USP46: variants seen among roughly 807,000 people sequenced by gnomAD.
The protein encoded by USP46 is ubiquitin carboxyl-terminal hydrolase 46.
In USP46, 12 loss-of-function variants were observed where a neutral mutation model predicts 44.4. That is an observed-to-expected ratio of 0.27 (90% CI 0.17 to 0.44). USP46 has a LOEUF of 0.44. Among genes scored for constraint, USP46 ranks in the 20% least tolerant of loss-of-function variants. The pLI, the probability that USP46 is intolerant of heterozygous loss-of-function variation, is 1.00. For missense variants in USP46, 248 were observed against 444.8 expected (o/e 0.56, Z 3.98); for synonymous variants, 155 against 161.5 (o/e 0.96, Z 0.31).
chr4:52,632,994 G>GAAAAGAAAAGAAAAGA (rs1228732494), intron 1 of USP46, among the ~76,000 whole-genome samples: 7 of 91,306 alleles, frequency 7.7e-5, no homozygotes, highest in Admixed American at 1.0e-4. Context: ...GAAAAGAAAA[G>GAAAAGAAAAGAAAAGA]AAAGAAAGAA....
chr4:52,622,238 TA>T (rs1173216441), intron 4 of USP46, among the ~76,000 whole-genome samples: 2 of 152,250 alleles, frequency 1.3e-5, no homozygotes, highest in African/African-American at 4.8e-5. Flanking sequence ...TCCATTTTTT[TA>T]TAGGTGTTGG....
chr4:52,629,988 T>G (rs1717754147), intron 2 of USP46, among the ~76,000 whole-genome samples: 1 of 152,216 alleles, frequency 6.6e-6, no homozygotes, highest in South Asian at 2.1e-4. Flanking sequence ...TTTCCAACTT[T>G]CCCAGTGGAA....
At chr4:52,650,881 G>C (rs977785128) in intron 1 of USP46, 2 of 151,978 alleles carry the variant, frequency 1.3e-5, no homozygotes, top group African/African-American at 4.8e-5. Context: ...GGCGGATCAC[G>C]AGGTCAAGAG....
At position 52,597,747 on chromosome 4, in the gene USP46, A is replaced by G; in HGVS notation, c.1000-6T>C. On this transcript the variant is annotated splice_region_variant and splice_polypyrimidine_tract_variant and intron_variant, in intron 8 of 8. Transcript: ENST00000441222. ...ATAGCTTGAGCATCTATTTTCTGCA[A>G]TAAAGGAGAAAGAAAACAACACAAT... 2.5e-6 allele frequency: 4 copies of G among 1,572,420 alleles called. No homozygotes were observed. Among genetic ancestry groups the G allele is most frequent in the Non-Finnish European group, 3.5e-6 (4 of 1,158,996 alleles).
Position 52,592,655 on chromosome 4 carries a change from AT to A in USP46, c.*4984del. ...GGAGTTCCAGACCAGCTTGGCCAAT[AT>A]GAGAAAACTTTGTATCTACTGAAAA... is the stretch of plus-strand genomic sequence containing the variant. On this transcript the variant is annotated 3_prime_UTR_variant, in exon 9 of 9. Coordinates refer to ENST00000441222, the MANE Select transcript of USP46 (RefSeq NM_022832.4). The A allele has an allele frequency of 2.8e-6, 1 of 361,828 alleles. No individual in the cohort carries two copies. The highest frequency in any genetic ancestry group is 4.9e-6 in the Non-Finnish European group (1 of 203,694). The allele number at this position is 361,828 out of a possible 1,614,324, so 22.4% of individuals were successfully genotyped here. A position where few individuals can be genotyped will look rare whatever the true frequency, so the allele number is the denominator to read the frequency against.
chr4:52,645,180 G>A (rs184349105), intron 1 of USP46, among the ~76,000 whole-genome samples: 27 of 149,480 alleles, frequency 1.8e-4, no homozygotes, highest in African/African-American at 6.4e-4. Context: ...AGCCGAGATC[G>A]CGCCACTGCA....
In USP46 at chr4:52,622,258, A is replaced by G. The variant is rs1194156482; in HGVS notation, c.561+3760T>C. 2.0e-5 allele frequency among the ~76,000 whole-genome samples: 3 copies of G among 152,184 alleles called. No homozygotes were observed. The East Asian group carries it at 5.8e-4, about 29-fold the overall frequency. ...TTTTTTATAGGTGTTGGGCATATGG[A>G]TTTTTTAAACTATTCTTTAAAATGT... On this transcript the variant is annotated intron_variant, in intron 4 of 8. Transcript: ENST00000441222.
At chr4:52,658,330 C>G (rs769963251) in intron 1 of USP46, 1 of 455,490 alleles carries the variant, frequency 2.2e-6, no homozygotes, top group South Asian at 1.6e-5. Context: ...AAAGTGACCA[C>G]CGCATCATGG....
chr4:52,602,097 AT>A (rs764234419), intron 6 of USP46, 43 bp from the exon 7 acceptor site: 18 of 1,577,476 alleles, frequency 1.1e-5, no homozygotes, highest in Non-Finnish European at 1.5e-5. Flanking sequence ...CCCAACACCT[AT>A]TAGGGGAAGA....
At chr4:52,649,916 G>A (rs983616112) in intron 1 of USP46, among the ~76,000 whole-genome samples, 5 of 152,016 alleles carry the variant, frequency 3.3e-5, no homozygotes, top group African/African-American at 7.2e-5. Flanking sequence ...ACATACACAC[G>A]CAGGTGCCTA....
At position 52,595,461 on chromosome 4, in the gene USP46, T is replaced by C. The variant is rs1716191451; in HGVS notation, c.*2179A>G. 1 of 152,588 alleles carries C rather than the reference T, an allele frequency of 6.6e-6. No individual in the cohort carries two copies. The highest frequency in any genetic ancestry group is 2.4e-5 in the African/African-American group (1 of 41,452). 9.5% of individuals were successfully genotyped at this position (152,588 alleles called of 1,614,324 possible). ...GCACCATACAACTGTTTTAATGTGT[T>C]TGCAATATTTTCTTATACTTACCCT... On this transcript the variant is annotated 3_prime_UTR_variant, in exon 9 of 9. Transcript: ENST00000441222.
chr4:52,612,923 G>A (rs753001373), intron 4 of USP46, among the ~76,000 whole-genome samples: 12 of 152,010 alleles, frequency 7.9e-5, no homozygotes, highest in African/African-American at 2.7e-4. Context: ...TCTCCCCCTC[G>A]CTAAAATGAA....
At chr4:52,634,485 G>A (rs1186270038) in intron 1 of USP46, among the ~76,000 whole-genome samples, 3 of 145,626 alleles carry the variant, frequency 2.1e-5, no homozygotes, top group African/African-American at 5.1e-5. Context: ...CTCCAGCCTG[G>A]GCGACAAGAG....
At chr4:52,636,563 G>T (rs112597079) in intron 1 of USP46, among the ~76,000 whole-genome samples, 1 of 151,456 alleles carries the variant, frequency 6.6e-6, no homozygotes, top group Non-Finnish European at 1.5e-5. Flanking sequence ...AAAATTAGCC[G>T]GGCATGATAG....
chr4:52,613,666 A>G lies in USP46; in HGVS notation c.562-3049T>C, dbSNP rs1031722387. On this transcript the variant is annotated intron_variant, in intron 4 of 8. Transcript: ENST00000441222. ...GAACCCAGGAGGCGGAGGTTGCAGT[A>G]AGCCGAGATCTCGCCACTGCACTCT... 1.2e-4 allele frequency among the ~76,000 whole-genome samples: 18 copies of G among 151,372 alleles called. 1 individual carries two copies. Among genetic ancestry groups the G allele is most frequent in the Non-Finnish European group, 2.1e-4 (14 of 67,766 alleles).
chr4:52,638,652 T>A (rs985828971), intron 1 of USP46, among the ~76,000 whole-genome samples: 8 of 146,290 alleles, frequency 5.5e-5, no homozygotes, highest in East Asian at 3.9e-4. Context: ...ATATATATAT[T>A]TTTTTTATGA....
At position 52,598,695 on chromosome 4, in the gene USP46, C is replaced by T. The variant is rs1716339822; in HGVS notation, c.932G>A (p.Arg311His). The change falls in exon 8 of 9, where the codon CGT (arginine) becomes CAT (histidine). Residue 311 changes from arginine (R) to histidine (H), a missense_variant. Arg to His is a conservative substitution (Grantham distance 29). Around this residue, in one of 5 missense-constraint regions of USP46, gnomAD observed 98 missense variants for 218.2 expected, o/e 0.45. Transcript: ENST00000441222. ...VVVHCGSGPN[R>H]GHYITIVKSH... Reference sequence around the variant, plus strand: ...TTTCACAATAGTGATATAATGCCCACGATTAGGACCACTGGAAAAGAACAA... The same window carrying T: ...TTTCACAATAGTGATATAATGCCCATGATTAGGACCACTGGAAAAGAACAA... The T allele has an allele frequency of 3.1e-6, 5 of 1,607,582 alleles. No individual in the cohort carries two copies. The highest frequency in any genetic ancestry group is 1.7e-5 in the Admixed American group (1 of 59,212).
intron 1 of USP46, among the ~76,000 whole-genome samples, chr4:52,648,407 C>T (rs1256826388): frequency 6.6e-6 from 1 of 152,138 alleles, no homozygotes; most frequent in Non-Finnish European, 1.5e-5. Context: ...ATTAGAAAAG[C>T]ATAAAATTAG....
rs187289395 is a variant in USP46, at chr4:52,645,837, C to A, written c.36+13278G>T. On this transcript the variant is annotated intron_variant, in intron 1 of 8. Transcript: ENST00000441222. ...TGATTGGATCATTGGGGCGGTCTTTCCCCTCGCTGTTCTCATGATAGTGAG... is the reference window on the plus strand; with the variant it reads ...TGATTGGATCATTGGGGCGGTCTTTACCCTCGCTGTTCTCATGATAGTGAG... Among the ~76,000 whole-genome samples the A allele has an allele frequency of 1.8e-3, 277 of 152,212 alleles. 1 individual carries two copies. Among genetic ancestry groups the A allele is most frequent in the African/African-American group, 6.4e-3 (267 of 41,516 alleles).
Sources: gnomAD v4.1 joint callset for allele counts (sites outside exome capture counted in the v4.1 genomes callset) on GRCh38, gnomAD v4.1.1 for gene constraint, gnomAD v4.1.1 regional missense constraint, MANE v1.5 for transcripts, NCBI Gene and HGNC (gene_info 2026-07-23, HGNC 2026-07-21) for gene names.